SMARCA2: variants seen among roughly 807,000 people sequenced by gnomAD.
SMARCA2 encodes SWI/SNF-related matrix-associated actin-dependent regulator of chromatin subfamily A member 2.
SMARCA2 carries 61 observed loss-of-function variants against 199.8 expected under a neutral mutation model. That is an observed-to-expected ratio of 0.31 (90% CI 0.25 to 0.38). The LOEUF (loss-of-function observed/expected upper bound fraction) is 0.38. Among genes scored for constraint, SMARCA2 ranks in the 10% least tolerant of loss-of-function variants. The probability of loss-of-function intolerance (pLI) is 1.00; values close to 1 mark genes in which losing one functional copy is unlikely to be tolerated. For synonymous variants in SMARCA2, 935 were observed against 732.0 expected, an observed-to-expected ratio of 1.28 and a Z score of -4.48; for missense variants, 1,344 against 2,012.2, an observed-to-expected ratio of 0.67 and a Z score of 6.35.
chr9:2,125,464 C>T (rs982620502), intron 27 of SMARCA2, among the ~76,000 whole-genome samples: 15 of 149,598 alleles, frequency 1.0e-4, no homozygotes, highest in African/African-American at 2.7e-4. Context: ...TTACAGCAGA[C>T]GGGACAATAA....
rs948809342 is a variant in SMARCA2 at position 2,110,659 on chromosome 9, C to A, written c.3456+242C>A. ...AACTTAGTTTCTCCTTAGTTTTAAT[C>A]CCATCTCTTGGGATTGCCATTGAAC... On this transcript the variant is annotated intron_variant, in intron 24 of 33. Coordinates refer to ENST00000349721, the MANE Select transcript of SMARCA2 (RefSeq NM_003070.5). This position sits in a 1 kb window ranked among gnomAD's most constrained non-coding sequence, Gnocchi z 4.8. 4.6e-5 allele frequency among the ~76,000 whole-genome samples: 7 copies of A among 152,188 alleles called. No homozygotes were observed. Among genetic ancestry groups the A allele is most frequent in the Non-Finnish European group, 7.3e-5 (5 of 68,034 alleles).
At chr9:2,172,636 G>C (rs1041548815) in intron 29 of SMARCA2, among the ~76,000 whole-genome samples, 1 of 152,102 alleles carries the variant, frequency 6.6e-6, no homozygotes, top group African/African-American at 2.4e-5. Context: ...AGCTGAGGAG[G>C]AATTTTGATG....
chr9:2,058,187 C>G, intron 7 of SMARCA2, 104 bp from the exon 8 acceptor site: 1 of 954,270 alleles, frequency 1.0e-6, no homozygotes, highest in Non-Finnish European at 1.6e-6. Context: ...TCTTCCTATG[C>G]TGTTAAACAC....
chr9:2,062,631 C>T (rs1303790510), intron 9 of SMARCA2, among the ~76,000 whole-genome samples: 1 of 152,142 alleles, frequency 6.6e-6, no homozygotes, highest in Non-Finnish European at 1.5e-5. Flanking sequence ...CCCTTTCAAA[C>T]CCTTGCCTTC....
chr9:2,143,153 C>A (rs1824547491), intron 27 of SMARCA2, among the ~76,000 whole-genome samples: 1 of 152,118 alleles, frequency 6.6e-6, no homozygotes, highest in South Asian at 2.1e-4. Context: ...GTATTTTAGC[C>A]TTTTCTTAAA....
At chr9:2,131,302 C>A (rs1028124941) in intron 27 of SMARCA2, among the ~76,000 whole-genome samples, 2 of 152,144 alleles carry the variant, frequency 1.3e-5, no homozygotes, top group African/African-American at 4.8e-5. Context: ...CATATATCTA[C>A]TATGGGGTCC....
At chr9:2,147,070 A>G (rs1473507481) in intron 27 of SMARCA2, among the ~76,000 whole-genome samples, 2 of 152,194 alleles carry the variant, frequency 1.3e-5, no homozygotes, top group Non-Finnish European at 2.9e-5. Flanking sequence ...AGTTCCATAC[A>G]GGCAGGCTTG....
In SMARCA2 at chr9:2,110,225, T is replaced by G; in HGVS notation, c.3293-29T>G. 3 of 1,557,328 alleles carry G rather than the reference T, an allele frequency of 1.9e-6. No homozygotes were observed. Among genetic ancestry groups the G allele is most frequent in the Non-Finnish European group, 2.6e-6 (3 of 1,153,934 alleles). On this transcript the variant is annotated intron_variant, in intron 23 of 33. Coordinates refer to ENST00000349721, the MANE Select transcript of SMARCA2 (RefSeq NM_003070.5). The surrounding 1 kb of genome is among the most constrained non-coding windows in gnomAD (Gnocchi z 4.8). ...GTGCCATTTTCAGACAAGAGTTAAT[T>G]GGCAAATTAATTTTTCTGATCCCCT...
At chr9:2,041,644 A>G (rs750419806) in intron 4 of SMARCA2, 19 of 369,396 alleles carry the variant, frequency 5.1e-5, no homozygotes, top group Non-Finnish European at 7.7e-5. Flanking sequence ...GCAAGAAAGT[A>G]TCATTTCATC....
At chr9:2,155,579 G>A (rs982212408) in intron 27 of SMARCA2, among the ~76,000 whole-genome samples, 34 of 152,014 alleles carry the variant, frequency 2.2e-4, no homozygotes, top group Non-Finnish European at 1.3e-4. Context: ...CTGCGCGGGG[G>A]CATTTTCGTT....
At chr9:2,094,871 G>GTT (rs1416524184) in intron 19 of SMARCA2, among the ~76,000 whole-genome samples, 1 of 152,128 alleles carries the variant, frequency 6.6e-6, no homozygotes. Flanking sequence ...AAAGTCTAAA[G>GTT]TTGTTCAGCG....
chr9:2,127,166 C>G (rs1823732157), intron 27 of SMARCA2, among the ~76,000 whole-genome samples: 2 of 152,088 alleles, frequency 1.3e-5, no homozygotes, highest in African/African-American at 4.8e-5. Flanking sequence ...CTTAACATTT[C>G]TTTGCTTGTC....
chr9:2,038,428 G>A (rs750687255), intron 3 of SMARCA2, among the ~76,000 whole-genome samples: 10 of 152,130 alleles, frequency 6.6e-5, no homozygotes, highest in Middle Eastern at 3.4e-3. Flanking sequence ...GTTCACTTCC[G>A]TCTACTGACA....
At chr9:2,033,254 TA>T in intron 3 of SMARCA2, 173 bp downstream of exon 3, 1 of 612,458 alleles carries the variant, frequency 1.6e-6, no homozygotes. Context: ...CCTGATGATT[TA>T]TATGGGAAAT....
chr9:2,191,406 C>T lies in SMARCA2; in HGVS notation c.4735C>T (p.Arg1579Cys), dbSNP rs367755009. The T allele has an allele frequency of 2.2e-5, 35 of 1,613,940 alleles. No individual in the cohort carries two copies. The highest frequency in any genetic ancestry group is 2.7e-5 in the African/African-American group (2 of 74,938). The change falls in exon 33 of 34, where the codon CGT (arginine) becomes TGT (cysteine). Residue 1579 changes from arginine to cysteine, a missense_variant and splice_region_variant. Coordinates refer to ENST00000349721, the MANE Select transcript of SMARCA2 (RefSeq NM_003070.5). ...TGACAGCGATGAGGAGCAGGATGAA[C>T]GTGTAAGTGTAGCCGACTGGGACTG... ...DFDSDEEQDE[R>C]EQSEGSGTDD...
intron 27 of SMARCA2, among the ~76,000 whole-genome samples, chr9:2,136,186 CTTTT>C (rs35768052): frequency 7.6e-6 from 1 of 131,540 alleles, no homozygotes. Context: ...TCCCCTGCTT[CTTTT>C]TTTTTTTTTT....
At chr9:2,074,766 C>CTGAGGTA (rs1170576760) in intron 12 of SMARCA2, among the ~76,000 whole-genome samples, 26 of 152,156 alleles carry the variant, frequency 1.7e-4, no homozygotes, top group African/African-American at 5.8e-4. Context: ...ACTCGGGAGG[C>CTGAGGTA]TGAGGTAGGA....
chr9:2,103,514 G>A (rs1344581290), intron 22 of SMARCA2, among the ~76,000 whole-genome samples: 1 of 152,146 alleles, frequency 6.6e-6, no homozygotes, highest in African/African-American at 2.4e-5. Context: ...GGCTAGCACT[G>A]TGCTTGGTAC....
intron 4 of SMARCA2, chr9:2,044,995 TGTA>T (rs1394815608): frequency 1.3e-5 from 2 of 152,212 alleles, no homozygotes; most frequent in Non-Finnish European, 2.9e-5. Context: ...TTTGATTAAA[TGTA>T]GTTTTTAAAA....
Sources: gnomAD v4.1 joint callset for allele counts (sites outside exome capture counted in the v4.1 genomes callset) on GRCh38, gnomAD v4.1.1 for gene constraint, Gnocchi (gnomAD v3.1) non-coding constraint, MANE v1.5 for transcripts, NCBI Gene and HGNC (gene_info 2026-07-23, HGNC 2026-07-21) for gene names.